The following NFKB1 variants were observed in gnomAD, a reference collection of about 807,000 sequenced individuals.
NFKB1 encodes nuclear factor NF-kappa-B p105 subunit.
A neutral mutation model predicts 105.1 loss-of-function variants in NFKB1; 9 were observed. That is an observed-to-expected ratio of 0.09 (90% CI 0.05 to 0.15). NFKB1 has a LOEUF of 0.15. Ranked by LOEUF, NFKB1 falls within the 10% of genes least tolerant of loss-of-function variation. The pLI is 1.00. For synonymous variants in NFKB1, 440 were observed against 442.2 expected (o/e 1.00, Z 0.06); for missense variants, 830 against 1,203.7 (o/e 0.69, Z 4.59).
chr4:102,582,841 C>A, intron 9 of NFKB1, 25 bp from the exon 10 acceptor site: 1 of 1,482,038 alleles, frequency 6.7e-7, no homozygotes, highest in South Asian at 1.1e-5. Context: ...TGTGAAATTA[C>A]ACACTTCAAT....
chr4:102,580,247 T>A (rs1725215518), intron 8 of NFKB1, among the ~76,000 whole-genome samples: 1 of 152,238 alleles, frequency 6.6e-6, no homozygotes, highest in Non-Finnish European at 1.5e-5. Flanking sequence ...TACTTCCCAA[T>A]ACATCAGAAA....
intron 1 of NFKB1, among the ~76,000 whole-genome samples, chr4:102,502,348 T>TCTCTCTCTCCCC (rs1739115747): frequency 6.7e-6 from 1 of 150,258 alleles, no homozygotes; most frequent in Non-Finnish European, 1.5e-5. Context: ...TCTCTGTCTC[T>TCTCTCTCTCCCC]CTCTCTCTCC....
At chr4:102,516,136 C>T (rs1158197694) in intron 1 of NFKB1, among the ~76,000 whole-genome samples, 1 of 151,928 alleles carries the variant, frequency 6.6e-6, no homozygotes, top group Non-Finnish European at 1.5e-5. Flanking sequence ...ATTGTTCCCC[C>T]ATATATAATA....
chr4:102,553,578 AATT>A (rs536662634), intron 5 of NFKB1, among the ~76,000 whole-genome samples: 3 of 152,104 alleles, frequency 2.0e-5, no homozygotes, highest in Non-Finnish European at 4.4e-5. Context: ...TACTTCCTCT[AATT>A]ATTTTTATGT....
Position 102,580,653 on chromosome 4 carries a change from G to A in NFKB1, c.835+14G>A. ...AAGTTCAGAAAGGTAAATACATTCT[G>A]TGATCTCTGATCTCAAGAGGTGTGA... On this transcript the variant is annotated intron_variant, in intron 9 of 23. Coordinates refer to ENST00000226574, the MANE Select transcript of NFKB1 (RefSeq NM_003998.4). 6.3e-7 allele frequency: 1 copy of A among 1,595,404 alleles called. No individual in the cohort carries two copies. The highest frequency in any genetic ancestry group is 8.6e-7 in the Non-Finnish European group (1 of 1,163,382).
intron 1 of NFKB1, among the ~76,000 whole-genome samples, chr4:102,524,932 A>G (rs749864941): frequency 3.9e-5 from 6 of 152,096 alleles, no homozygotes; most frequent in Non-Finnish European, 8.8e-5. Flanking sequence ...CCTACTGCTC[A>G]CCTCTTTTTG....
chr4:102,583,874 A>G (rs573900764), intron 10 of NFKB1, among the ~76,000 whole-genome samples: 13 of 152,088 alleles, frequency 8.5e-5, no homozygotes, highest in Non-Finnish European at 1.6e-4. Context: ...TTTTGATGAA[A>G]TATCATGTAG....
chr4:102,573,770 G>A (rs949409006), intron 6 of NFKB1, among the ~76,000 whole-genome samples: 2 of 151,628 alleles, frequency 1.3e-5, no homozygotes, highest in African/African-American at 4.8e-5. Flanking sequence ...TTATTACTGT[G>A]TCTGCACGTT....
In NFKB1 at chr4:102,584,697, A is replaced by C. The variant is rs1419437025; in HGVS notation, c.943A>C (p.Lys315Gln). The C allele has an allele frequency of 1.9e-6, 3 of 1,599,416 alleles. No homozygotes were observed. The highest frequency in any genetic ancestry group is 2.7e-5 in the African/African-American group (2 of 73,810). Residue 315 changes from lysine to glutamine, a missense_variant, in exon 11 of 24, where the codon AAA becomes CAA. Around this residue, in one of 8 missense-constraint regions of NFKB1, gnomAD observed 42 missense variants for 145.7 expected, o/e 0.29. Coordinates refer to ENST00000226574, the MANE Select transcript of NFKB1 (RefSeq NM_003998.4). ...DVHRQFAIVF[K>Q]TPKYKDINIT... Reference sequence around the variant, plus strand: ...TATCCTGCAGTTTGCCATTGTCTTCAAAACTCCAAAGTATAAAGATATTAA... The same window carrying C: ...TATCCTGCAGTTTGCCATTGTCTTCCAAACTCCAAAGTATAAAGATATTAA...
At chr4:102,606,396 G>A (rs1179495638) in intron 16 of NFKB1, 100 bp from the exon 17 acceptor site, 13 of 1,104,742 alleles carry the variant, frequency 1.2e-5, no homozygotes, top group Non-Finnish European at 1.8e-5. Context: ...AAATATTCCT[G>A]CAGTATGGCC....
intron 1 of NFKB1, among the ~76,000 whole-genome samples, chr4:102,504,946 A>G (rs888561166): frequency 6.6e-6 from 1 of 152,234 alleles, no homozygotes; most frequent in Non-Finnish European, 1.5e-5. Context: ...TTCTGGTAAC[A>G]TAACCAAGCC....
At chr4:102,523,885 C>T (rs79481024) in intron 1 of NFKB1, among the ~76,000 whole-genome samples, 1,784 of 152,220 alleles carry the variant, frequency 0.012, 31 homozygotes, top group African/African-American at 0.039. Context: ...CTAACTCCAA[C>T]GAAGTGTAGG....
intron 17 of NFKB1, 73 bp from the exon 18 acceptor site, chr4:102,607,077 C>A: frequency 6.7e-7 from 1 of 1,499,116 alleles, no homozygotes; most frequent in Non-Finnish European, 9.3e-7. Flanking sequence ...TTTGCCATTT[C>A]CTTCAGCTTC....
intron 23 of NFKB1, among the ~76,000 whole-genome samples, chr4:102,614,741 T>C (rs1393865139): frequency 6.6e-6 from 1 of 152,034 alleles, no homozygotes; most frequent in Non-Finnish European, 1.5e-5. Flanking sequence ...ACCGTCTCCA[T>C]TCCTGGCTCC....
At chr4:102,517,758 A>G (rs969218684) in intron 1 of NFKB1, among the ~76,000 whole-genome samples, 1 of 152,208 alleles carries the variant, frequency 6.6e-6, no homozygotes, top group Non-Finnish European at 1.5e-5. Flanking sequence ...AAAAGATGGC[A>G]TTTCAGGATG....
At chr4:102,517,509 A>T (rs1740271243) in intron 1 of NFKB1, among the ~76,000 whole-genome samples, 1 of 152,230 alleles carries the variant, frequency 6.6e-6, no homozygotes, top group Non-Finnish European at 1.5e-5. Flanking sequence ...TTGCCAATAC[A>T]AAAAAGCAAA....
Position 102,607,552 on chromosome 4 carries a change from T to A in NFKB1, c.2125-97T>A. 3 of 1,310,800 alleles carry A rather than the reference T, an allele frequency of 2.3e-6. No homozygotes were observed. The South Asian group carries it at 3.6e-5, about 16-fold the overall frequency. 81.2% of individuals were successfully genotyped at this position (1,310,800 alleles called of 1,614,324 possible). A position where few individuals can be genotyped will look rare whatever the true frequency, so the allele number is the denominator to read the frequency against. On this transcript the variant is annotated intron_variant, in intron 18 of 23. Coordinates refer to ENST00000226574, the MANE Select transcript of NFKB1 (RefSeq NM_003998.4). ...AGCCAGCCCAAAGTAGCAATTGGGC[T>A]AGTAATAGGACCCAAGGAGCCATGC...
At chr4:102,504,964 T>G (rs1739332740) in intron 1 of NFKB1, among the ~76,000 whole-genome samples, 1 of 152,200 alleles carries the variant, frequency 6.6e-6, no homozygotes, top group African/African-American at 2.4e-5. Flanking sequence ...GCCTTTTATC[T>G]TTGTAGTATT....
rs777543453 is a variant in NFKB1 at position 102,578,779 on chromosome 4, G to A, written c.572-102G>A. On this transcript the variant is annotated intron_variant, in intron 7 of 23. Coordinates refer to ENST00000226574, the MANE Select transcript of NFKB1 (RefSeq NM_003998.4). The stretch of plus-strand genomic sequence containing the variant: ...GAAGAGTTTCAAAAGAGGAAAAATG[G>A]GTTTTTATTGTAAGTTTACATTATT... The A allele has an allele frequency of 4.1e-6, 5 of 1,232,184 alleles. No homozygotes were observed. In the East Asian group the frequency reaches 1.2e-4, roughly 30 times the overall value. The allele number at this position is 1,232,184 out of a possible 1,614,324, so 76.3% of individuals were successfully genotyped here. A position where few individuals can be genotyped will look rare whatever the true frequency, so the allele number is the denominator to read the frequency against.
Sources: allele counts gnomAD v4.1 joint callset (sites outside exome capture counted in the v4.1 genomes callset), GRCh38; gene constraint gnomAD v4.1.1; regional missense constraint gnomAD v4.1.1; transcripts MANE v1.5; gene names NCBI Gene and HGNC (gene_info 2026-07-23, HGNC 2026-07-21).